The following SAR1B variants were observed in gnomAD, a reference collection of about 807,000 sequenced individuals.
The protein encoded by SAR1B is small COPII coat GTPase SAR1B.
In SAR1B, 23 loss-of-function variants were observed where a neutral mutation model predicts 26.8. That is an observed-to-expected ratio of 0.86 (90% confidence interval 0.62 to 1.22). The LOEUF is 1.22. SAR1B is among the 50% of genes most tolerant of loss of function. The pLI is 0.00. For missense variants in SAR1B, 196 were observed against 232.8 expected (o/e 0.84, Z 1.03); for synonymous variants, 65 against 80.8 (o/e 0.80, Z 1.05).
At chr5:134,614,774 T>C (rs1158402435) in intron 3 of SAR1B, 1 of 152,254 alleles carries the variant, frequency 6.6e-6, no homozygotes, top group Non-Finnish European at 1.5e-5. Context: ...TATTGGACTA[T>C]GTTTGGGTGT....
In SAR1B at chr5:134,603,204, A is replaced by C. The variant is rs192152856; in HGVS notation, c.*3746T>G. On this transcript the variant is annotated 3_prime_UTR_variant, in exon 7 of 7. Coordinates refer to ENST00000402673, the MANE Select transcript of SAR1B (RefSeq NM_016103.4). ...GCTATTCTCAGTGCACTCTGGTCAA[A>C]TTTTACTTGGCAATAAATCCTTGCA... is the stretch of plus-strand genomic sequence containing the variant. The C allele has an allele frequency of 6.6e-6, 1 of 152,338 alleles. No individual in the cohort carries two copies. Among genetic ancestry groups the C allele is most frequent in the East Asian group, 1.9e-4 (1 of 5,186 alleles). 9.4% of individuals were successfully genotyped at this position (152,338 alleles called of 1,614,324 possible). A position where few individuals can be genotyped will look rare whatever the true frequency, so the allele number is the denominator to read the frequency against.
In SAR1B at chr5:134,606,252, C is replaced by T. The variant is rs1765126150; in HGVS notation, c.*698G>A. 1 of 153,100 alleles carries T rather than the reference C, an allele frequency of 6.5e-6. No individual in the cohort carries two copies. The highest frequency in any genetic ancestry group is 2.4e-5 in the African/African-American group (1 of 41,448). 9.5% of individuals were successfully genotyped at this position (153,100 alleles called of 1,614,324 possible). On this transcript the variant is annotated 3_prime_UTR_variant, in exon 7 of 7. Coordinates refer to ENST00000402673, the MANE Select transcript of SAR1B (RefSeq NM_016103.4). ...GATACATGGTATCAGGTGCAACTGA[C>T]CACAACCATCTCATGGTAAATACCT... is the stretch of plus-strand genomic sequence containing the variant.
intron 3 of SAR1B, among the ~76,000 whole-genome samples, chr5:134,616,359 C>T (rs1382740653): frequency 6.7e-6 from 1 of 150,092 alleles, no homozygotes; most frequent in Non-Finnish European, 1.5e-5. Context: ...ATCGCTTGAA[C>T]CCGGGAGGTG....
intron 2 of SAR1B, among the ~76,000 whole-genome samples, chr5:134,622,661 C>G (rs192175130): frequency 6.6e-6 from 1 of 151,228 alleles, no homozygotes; most frequent in African/African-American, 2.4e-5. Flanking sequence ...CTGCCTGCCT[C>G]GGCCTCCAAA....
rs1321286756 is a variant in SAR1B, at chr5:134,602,951, T to C, written c.*3999A>G. 15 of 152,306 alleles carry C rather than the reference T, an allele frequency of 9.8e-5. 1 individual carries two copies. Among genetic ancestry groups the C allele is most frequent in the African/African-American group, 3.6e-4 (15 of 41,566 alleles). The allele number at this position is 152,306 out of a possible 1,614,324, so 9.4% of individuals were successfully genotyped here. A position where few individuals can be genotyped will look rare whatever the true frequency, so the allele number is the denominator to read the frequency against. Reference sequence around the variant, plus strand: ...TTAGTCCTTAATTGAAGCACACTGTTTTTCTAAACTCTTATATTTATAGCA... The same window carrying C: ...TTAGTCCTTAATTGAAGCACACTGTCTTTCTAAACTCTTATATTTATAGCA... On this transcript the variant is annotated 3_prime_UTR_variant, in exon 7 of 7. Coordinates refer to ENST00000402673, the MANE Select transcript of SAR1B (RefSeq NM_016103.4).
intron 1 of SAR1B, among the ~76,000 whole-genome samples, chr5:134,630,337 C>A (rs1765579837): frequency 6.6e-6 from 1 of 151,698 alleles, no homozygotes; most frequent in South Asian, 2.1e-4. Flanking sequence ...TGCCTGTAAT[C>A]CCAGCTACTC....
intron 3 of SAR1B, among the ~76,000 whole-genome samples, chr5:134,617,584 G>C (rs188993001): frequency 6.6e-6 from 1 of 152,308 alleles, no homozygotes; most frequent in Admixed American, 6.5e-5. Context: ...AAATGAAATA[G>C]AGCAACGTCA....
chr5:134,630,573 G>A (rs1299059436), intron 1 of SAR1B, among the ~76,000 whole-genome samples: 1 of 150,454 alleles, frequency 6.6e-6, no homozygotes, highest in Non-Finnish European at 1.5e-5. Flanking sequence ...ACTTGAGTTC[G>A]GGAGTTCAAG....
intron 1 of SAR1B, among the ~76,000 whole-genome samples, chr5:134,625,585 G>T (rs1295316255): frequency 2.6e-5 from 4 of 152,172 alleles, no homozygotes; most frequent in African/African-American, 4.8e-5. Context: ...AGAGGTGAAA[G>T]GAGTGCCAGA....
intron 4 of SAR1B, among the ~76,000 whole-genome samples, chr5:134,612,399 C>T (rs1381231877): frequency 2.6e-5 from 4 of 152,062 alleles, no homozygotes; most frequent in Non-Finnish European, 5.9e-5. Flanking sequence ...CTAATGGCCA[C>T]ATTTTTGTTA....
At chr5:134,609,815 C>G in intron 4 of SAR1B, 141 bp from the exon 5 acceptor site, 1 of 712,676 alleles carries the variant, frequency 1.4e-6, no homozygotes, top group Non-Finnish European at 2.5e-6. Context: ...AATCTTTTAC[C>G]CAGTGGTGCC....
chr5:134,608,353 A>ATTT lies in SAR1B; in HGVS notation c.480+16_480+18dup. 4.8e-6 allele frequency: 7 copies of ATTT among 1,468,462 alleles called. No homozygotes were observed. The highest frequency in any genetic ancestry group is 2.5e-5 in the East Asian group (1 of 39,886). The allele number at this position is 1,468,462 out of a possible 1,614,324, so 91.0% of individuals were successfully genotyped here. ...TGTAGAATTAAACACACCCATCATA[A>ATTT]TTTTTTTTTTTTTTTTACCTTTCCT... On this transcript the variant is annotated intron_variant, in intron 6 of 6. Coordinates refer to ENST00000402673, the MANE Select transcript of SAR1B (RefSeq NM_016103.4).
chr5:134,632,304 C>T (rs1335441993), intron 1 of SAR1B: 1 of 152,162 alleles, frequency 6.6e-6, no homozygotes, highest in Non-Finnish European at 1.5e-5. Context: ...CTACGGAAAA[C>T]GTTAACCAGT....
rs1765114775 is a variant in SAR1B, at chr5:134,605,675, A to C, written c.*1275T>G. The C allele has an allele frequency of 6.6e-6, 1 of 151,294 alleles. No individual in the cohort carries two copies. Among genetic ancestry groups the C allele is most frequent in the Non-Finnish European group, 1.5e-5 (1 of 67,802 alleles). 9.4% of individuals were successfully genotyped at this position (151,294 alleles called of 1,614,324 possible). A position where few individuals can be genotyped will look rare whatever the true frequency, so the allele number is the denominator to read the frequency against. On this transcript the variant is annotated 3_prime_UTR_variant, in exon 7 of 7. Transcript: ENST00000402673. ...GAAACAGAGCAAAAAAAAAAAAAAA[A>C]AAAAAGCCCAACAAACAAAAAGTCT...
Position 134,621,127 on chromosome 5 carries a change from A to G in SAR1B, c.59-75T>C, listed in dbSNP as rs192373927. The G allele has an allele frequency of 1.6e-4, 246 of 1,502,332 alleles. 1 individual carries two copies. The East Asian group carries it at 5.4e-3, about 33-fold the overall frequency. 93.1% of individuals were successfully genotyped at this position (1,502,332 alleles called of 1,614,324 possible). ...TCCAAATGAATTTAAATTTGGCCCA[A>G]TTAAGCTTGAAGTTCTAAACCTATT... On this transcript the variant is annotated intron_variant, in intron 2 of 6. Transcript: ENST00000402673.
At chr5:134,624,154 A>T in intron 1 of SAR1B, 117 bp from the exon 2 acceptor site, 1 of 707,472 alleles carries the variant, frequency 1.4e-6, no homozygotes, top group Non-Finnish European at 2.6e-6. Flanking sequence ...TACTACAAAG[A>T]GTTACACACT....
chr5:134,608,155 T>C (rs917672451), intron 6 of SAR1B, among the ~76,000 whole-genome samples: 2 of 152,188 alleles, frequency 1.3e-5, no homozygotes, highest in African/African-American at 4.8e-5. Flanking sequence ...AGCACAAGCC[T>C]TAGGCATAAC....
intron 3 of SAR1B, among the ~76,000 whole-genome samples, chr5:134,615,444 G>A (rs956863776): frequency 1.3e-5 from 2 of 151,954 alleles, no homozygotes; most frequent in Non-Finnish European, 2.9e-5. Context: ...GAACCCAGGA[G>A]GCGGAGGTTG....
chr5:134,621,301 C>G (rs1209062266), intron 2 of SAR1B, among the ~76,000 whole-genome samples: 1 of 152,080 alleles, frequency 6.6e-6, no homozygotes, highest in Non-Finnish European at 1.5e-5. Flanking sequence ...GAAACCCCGT[C>G]TCTACTGAAA....
Sources: gnomAD v4.1 joint callset for allele counts (sites outside exome capture counted in the v4.1 genomes callset) on GRCh38, gnomAD v4.1.1 for gene constraint, MANE v1.5 for transcripts, NCBI Gene and HGNC (gene_info 2026-07-23, HGNC 2026-07-21) for gene names.